The following NGF variants were observed in gnomAD, a reference collection of about 807,000 sequenced individuals.
NGF encodes the protein nerve growth factor, also known as beta-nerve growth factor.
A neutral mutation model predicts 12.8 loss-of-function variants in NGF; 4 were observed. The observed-to-expected ratio is 0.31, with a 90% CI of 0.15 to 0.72. The LOEUF is 0.72. NGF is among the 30% of genes least tolerant of loss of function. NGF has a pLI of 0.69. For synonymous variants in NGF, 140 were observed against 130.0 expected, an observed-to-expected ratio of 1.08 and a Z score of -0.52; for missense variants, 283 against 330.8, an observed-to-expected ratio of 0.86 and a Z score of 1.12.
At chr1:115,288,485 T>C (rs970260610) in intron 2 of NGF, among the ~76,000 whole-genome samples, 2 of 152,184 alleles carry the variant, frequency 1.3e-5, no homozygotes, top group Non-Finnish European at 1.5e-5. Context: ...GACTTTGTCT[T>C]TTGTGCTTTC....
intron 1 of NGF, among the ~76,000 whole-genome samples, chr1:115,326,080 G>A (rs952607000): frequency 3.3e-5 from 5 of 152,102 alleles, no homozygotes; most frequent in Non-Finnish European, 2.9e-5. Flanking sequence ...TGCCTGGGGA[G>A]GATGAGATCA....
intron 1 of NGF, among the ~76,000 whole-genome samples, chr1:115,337,100 A>C (rs1324119809): frequency 6.6e-6 from 1 of 152,010 alleles, no homozygotes; most frequent in Non-Finnish European, 1.5e-5. Context: ...TGCATGAAAC[A>C]CTCATAAATT....
At chr1:115,286,853 C>T in intron 2 of NGF, 46 bp from the exon 3 acceptor site, 1 of 1,610,920 alleles carries the variant, frequency 6.2e-7, no homozygotes, top group Admixed American at 1.7e-5. Flanking sequence ...GTACTAAATG[C>T]AGTCAAAAGG....
At chr1:115,301,432 T>C (rs954930851) in intron 1 of NGF, among the ~76,000 whole-genome samples, 2 of 152,238 alleles carry the variant, frequency 1.3e-5, no homozygotes, top group East Asian at 1.9e-4. Flanking sequence ...GCCTGGCATC[T>C]AGTTGGTGCT....
chr1:115,302,617 C>G (rs542799614), intron 1 of NGF, among the ~76,000 whole-genome samples: 1 of 152,212 alleles, frequency 6.6e-6, no homozygotes, highest in Non-Finnish European at 1.5e-5. Context: ...GTGAATCAGC[C>G]GAGTTTCTGG....
At position 115,286,314 on chromosome 1, in the gene NGF, C is replaced by G. The variant is rs139830389; in HGVS notation, c.482G>C (p.Gly161Ala). The G allele has an allele frequency of 1.9e-6, 3 of 1,614,082 alleles. No individual in the cohort carries two copies. The highest frequency in any genetic ancestry group is 2.7e-5 in the African/African-American group (2 of 74,928). Residue 161 changes from glycine to alanine, a missense_variant, in exon 3 of 3, where the codon GGA becomes GCA. Around this residue, in one of 2 missense-constraint regions of NGF, gnomAD observed 132 missense variants for 189.2 expected, o/e 0.70. Coordinates refer to ENST00000369512, the MANE Select transcript of NGF (RefSeq NM_002506.3). ...TACACTGTTGTTAATGTTCACCTCTCCCAACACCATCACCTCCTTGCCCTT... is the reference window on the plus strand; with the variant it reads ...TACACTGTTGTTAATGTTCACCTCTGCCAACACCATCACCTCCTTGCCCTT... ...DIKGKEVMVLGEVNINNSVFK... is the reference protein window; with the variant it reads ...DIKGKEVMVLAEVNINNSVFK...
intron 1 of NGF, among the ~76,000 whole-genome samples, chr1:115,305,764 T>C (rs1156777416): frequency 1.3e-5 from 2 of 152,226 alleles, no homozygotes; most frequent in Admixed American, 6.5e-5. Context: ...TGTGAAGTTG[T>C]TCCTTACTGA....
chr1:115,320,745 G>A (rs986398300), intron 1 of NGF, among the ~76,000 whole-genome samples: 1 of 152,200 alleles, frequency 6.6e-6, no homozygotes, highest in African/African-American at 2.4e-5. Flanking sequence ...CACAGCTAAG[G>A]GGGTGACCAC....
At chr1:115,317,560 A>G (rs1331154835) in intron 1 of NGF, among the ~76,000 whole-genome samples, 1 of 152,240 alleles carries the variant, frequency 6.6e-6, no homozygotes, top group Non-Finnish European at 1.5e-5. Flanking sequence ...CACACATGGA[A>G]AACAAGATTC....
At chr1:115,291,999 G>A (rs1653716316) in intron 2 of NGF, among the ~76,000 whole-genome samples, 2 of 152,144 alleles carry the variant, frequency 1.3e-5, no homozygotes, top group South Asian at 4.1e-4. Flanking sequence ...TTGTGGCCAA[G>A]GAAATCCAGC....
chr1:115,294,769 A>G (rs1482223488), intron 1 of NGF, among the ~76,000 whole-genome samples: 1 of 152,210 alleles, frequency 6.6e-6, no homozygotes. Flanking sequence ...AAAGGCCCTG[A>G]GCTAGAAACA....
chr1:115,289,974 T>C (rs1653632244), intron 2 of NGF, among the ~76,000 whole-genome samples: 1 of 152,148 alleles, frequency 6.6e-6, no homozygotes, highest in Admixed American at 6.5e-5. Flanking sequence ...CCACCTGATA[T>C]CCTGGACCCT....
intron 1 of NGF, among the ~76,000 whole-genome samples, chr1:115,300,115 T>C (rs1653991014): frequency 6.6e-6 from 1 of 152,238 alleles, no homozygotes; most frequent in African/African-American, 2.4e-5. Flanking sequence ...TCGGCTCTTC[T>C]TGAGCTAGCC....
intron 1 of NGF, among the ~76,000 whole-genome samples, chr1:115,329,343 T>C (rs972120297): frequency 1.3e-5 from 2 of 152,214 alleles, no homozygotes; most frequent in African/African-American, 2.4e-5. Context: ...TAGTCTCACC[T>C]TACAGATGAG....
At chr1:115,310,302 A>G (rs981517796) in intron 1 of NGF, among the ~76,000 whole-genome samples, 3 of 152,182 alleles carry the variant, frequency 2.0e-5, no homozygotes, top group African/African-American at 7.2e-5. Context: ...CAATTTCCAA[A>G]TGGCTGGTAA....
At chr1:115,319,109 C>T (rs1204627517) in intron 1 of NGF, among the ~76,000 whole-genome samples, 3 of 152,230 alleles carry the variant, frequency 2.0e-5, no homozygotes, top group African/African-American at 7.2e-5. Context: ...GGTTGCGTTC[C>T]ACAGTGTCTT....
intron 1 of NGF, among the ~76,000 whole-genome samples, chr1:115,332,315 G>A (rs1019704117): frequency 1.3e-5 from 2 of 152,184 alleles, no homozygotes; most frequent in African/African-American, 2.4e-5. Flanking sequence ...ATTACAAGGC[G>A]AAGATAAATC....
chr1:115,333,499 T>TAAAAAAAA lies in NGF; in HGVS notation c.-137+4697_-137+4704dup, dbSNP rs34024301. Among the ~76,000 whole-genome samples the TAAAAAAAA allele has an allele frequency of 2.5e-4, 19 of 76,604 alleles. 1 individual carries two copies. The highest frequency in any genetic ancestry group is 9.5e-4 in the African/African-American group (19 of 20,032). 50.3% of individuals were successfully genotyped at this position (76,604 alleles called of 152,430 possible). Reference sequence around the variant, plus strand: ...GTCTGACTCTGACTAATAGTACTACTAAAAAAAAAAAAAAAAAAAAAAAGA... The same window carrying TAAAAAAAA: ...GTCTGACTCTGACTAATAGTACTACTAAAAAAAAAAAAAAAAAAAAAAAAAAAAAAAGA... On this transcript the variant is annotated intron_variant, in intron 1 of 2. Transcript: ENST00000369512.
At chr1:115,294,558 T>C (rs1653804702) in intron 1 of NGF, among the ~76,000 whole-genome samples, 1 of 152,152 alleles carries the variant, frequency 6.6e-6, no homozygotes, top group African/African-American at 2.4e-5. Context: ...GTTGTGTAAA[T>C]AAGCAAGATA....
Sources: gnomAD v4.1 joint callset for allele counts (sites outside exome capture counted in the v4.1 genomes callset) on GRCh38, gnomAD v4.1.1 for gene constraint, gnomAD v4.1.1 regional missense constraint, MANE v1.5 for transcripts, NCBI Gene and HGNC (gene_info 2026-07-23, HGNC 2026-07-21) for gene names.